The following NPLOC4 variants were observed in gnomAD, a reference collection of about 807,000 sequenced individuals.
NPLOC4 encodes the protein nuclear protein localization protein 4 homolog.
A neutral mutation model predicts 80.6 loss-of-function variants in NPLOC4; 18 were observed. The ratio of observed to expected loss-of-function variants is 0.22; its 90% CI spans 0.15 to 0.33. The LOEUF (loss-of-function observed/expected upper bound fraction) is 0.33, where lower values mean the gene tolerates loss of function less well. NPLOC4 is among the 10% of genes least tolerant of loss of function. The pLI is 1.00. For missense variants in NPLOC4, 540 were observed against 786.1 expected (o/e 0.69, Z 3.74); for synonymous variants, 313 against 301.5 (o/e 1.04, Z -0.39).
intron 12 of NPLOC4, among the ~76,000 whole-genome samples, chr17:81,586,101 G>T (rs940966802): frequency 6.6e-6 from 1 of 152,122 alleles, no homozygotes; most frequent in African/African-American, 2.4e-5. Flanking sequence ...CCTGCCCAAC[G>T]GGGTAGGAGG....
intron 15 of NPLOC4, among the ~76,000 whole-genome samples, chr17:81,566,153 G>A (rs981958212): frequency 1.3e-5 from 2 of 152,282 alleles, no homozygotes; most frequent in South Asian, 2.1e-4. Context: ...CAAACGTGGC[G>A]AAACCCCGTC....
At chr17:81,594,699 C>CG (rs1211165689) in intron 11 of NPLOC4, among the ~76,000 whole-genome samples, 1 of 151,928 alleles carries the variant, frequency 6.6e-6, no homozygotes, top group Non-Finnish European at 1.5e-5. Context: ...TGCGTGAACC[C>CG]GGGAGGTGGA....
At chr17:81,606,312 C>T (rs1249526997) in intron 7 of NPLOC4, among the ~76,000 whole-genome samples, 1 of 152,124 alleles carries the variant, frequency 6.6e-6, no homozygotes, top group Non-Finnish European at 1.5e-5. Context: ...AACGCTCCCT[C>T]CTTCCTGAGC....
intron 10 of NPLOC4, 23 bp downstream of exon 10, chr17:81,597,222 G>C (rs202045831): frequency 1.9e-6 from 3 of 1,598,702 alleles, no homozygotes; most frequent in Non-Finnish European, 2.6e-6. Flanking sequence ...AGGGCCACAC[G>C]CACAGTCCTG....
Position 81,636,981 on chromosome 17 carries a change from GC to G in NPLOC4, c.-52del. 1 of 1,183,022 alleles carries G rather than the reference GC, an allele frequency of 8.5e-7. No homozygotes were observed. The highest frequency in any genetic ancestry group is 3.1e-5 in the South Asian group (1 of 31,998). 73.3% of individuals were successfully genotyped at this position (1,183,022 alleles called of 1,614,324 possible). On this transcript the variant is annotated 5_prime_UTR_variant, in exon 1 of 17. Transcript: ENST00000331134. The stretch of plus-strand genomic sequence containing the variant: ...GAGCCCCGGGCCGCCGCCGCCTGCC[GC>G]CCCAAGGGCCTCGCAGACCCGGCCG...
At chr17:81,588,884 T>TC (rs1272624863) in intron 12 of NPLOC4, 60 bp downstream of exon 12, 1 of 1,498,908 alleles carries the variant, frequency 6.7e-7, no homozygotes, top group African/African-American at 1.4e-5. Flanking sequence ...ATTAGAAAGG[T>TC]CCAAGACAGG....
intron 5 of NPLOC4, 141 bp downstream of exon 5, chr17:81,610,069 T>A (rs1418708739): frequency 3.1e-6 from 2 of 651,032 alleles, no homozygotes; most frequent in Non-Finnish European, 5.4e-6. Context: ...TAGGGGAATA[T>A]GAGGCCCAGG....
chr17:81,564,153 A>T (rs1381454762), intron 16 of NPLOC4: 4 of 283,740 alleles, frequency 1.4e-5, no homozygotes, highest in Non-Finnish European at 2.8e-5. Context: ...ATTAGGTACT[A>T]TGTGTAGTAC....
intron 16 of NPLOC4, among the ~76,000 whole-genome samples, chr17:81,559,983 C>T (rs912493107): frequency 6.6e-6 from 1 of 151,822 alleles, no homozygotes; most frequent in Non-Finnish European, 1.5e-5. Context: ...GATCCACCCA[C>T]CTTGGCCTCC....
At chr17:81,590,750 C>A (rs2034716342) in intron 11 of NPLOC4, among the ~76,000 whole-genome samples, 1 of 152,118 alleles carries the variant, frequency 6.6e-6, no homozygotes, top group Non-Finnish European at 1.5e-5. Context: ...AAACGTAGTG[C>A]ACATGGCTGT....
chr17:81,637,089 A>G lies in NPLOC4; in HGVS notation c.-159T>C, dbSNP rs2036104518. 5.5e-6 allele frequency: 2 copies of G among 366,276 alleles called. No individual in the cohort carries two copies. The highest frequency in any genetic ancestry group is 9.3e-6 in the Non-Finnish European group (2 of 214,226). 22.7% of individuals were successfully genotyped at this position (366,276 alleles called of 1,614,324 possible). A position where few individuals can be genotyped will look rare whatever the true frequency, so the allele number is the denominator to read the frequency against. On this transcript the variant is annotated 5_prime_UTR_variant, in exon 1 of 17. Transcript: ENST00000331134. ...GCCCGCCCGGCTCCGCCAGCCGCCG[A>G]CGTCCCGGTGCCTCGCTCAATACGC...
chr17:81,633,386 T>C (rs1047329016), intron 1 of NPLOC4, among the ~76,000 whole-genome samples: 2 of 152,208 alleles, frequency 1.3e-5, no homozygotes, highest in African/African-American at 2.4e-5. Context: ...CGCCATTCTT[T>C]ACAGAGCTAA....
intron 12 of NPLOC4, among the ~76,000 whole-genome samples, chr17:81,585,690 G>A (rs1433273240): frequency 2.0e-5 from 3 of 149,888 alleles, no homozygotes; most frequent in Admixed American, 2.0e-4. Flanking sequence ...AGAAATCAGA[G>A]GCTGGGTGCA....
At chr17:81,632,289 T>C (rs572034138) in intron 1 of NPLOC4, among the ~76,000 whole-genome samples, 24 of 151,500 alleles carry the variant, frequency 1.6e-4, no homozygotes, top group African/African-American at 5.8e-4. Context: ...TGATTTTTTA[T>C]AGTGAAACAT....
At chr17:81,591,799 C>T (rs921645133) in intron 11 of NPLOC4, among the ~76,000 whole-genome samples, 5 of 152,168 alleles carry the variant, frequency 3.3e-5, no homozygotes, top group African/African-American at 1.2e-4. Context: ...GATCACAGGG[C>T]CTACAAAGAG....
At chr17:81,622,122 C>T in intron 3 of NPLOC4, 44 bp downstream of exon 3, 3 of 1,411,016 alleles carry the variant, frequency 2.1e-6, no homozygotes, top group African/African-American at 2.8e-5. Flanking sequence ...TCATGGGGAC[C>T]TCATTTCCCC....
At chr17:81,560,697 A>AAACG (rs1473945251) in intron 16 of NPLOC4, 1 of 90,250 alleles carries the variant, frequency 1.1e-5, no homozygotes, top group Admixed American at 1.3e-4. Flanking sequence ...ACAAACAAAC[A>AAACG]AACAACAACA....
intron 16 of NPLOC4, among the ~76,000 whole-genome samples, chr17:81,561,189 C>A (rs1369094733): frequency 6.6e-6 from 1 of 152,118 alleles, no homozygotes. Context: ...AACTCCTGAC[C>A]TCAAATGATC....
chr17:81,601,653 T>C (rs2035058821), intron 8 of NPLOC4, among the ~76,000 whole-genome samples: 1 of 152,174 alleles, frequency 6.6e-6, no homozygotes. Flanking sequence ...AGCAGCATCC[T>C]GAGTACAGCA....
Sources: gnomAD v4.1 joint callset for allele counts (sites outside exome capture counted in the v4.1 genomes callset) on GRCh38, gnomAD v4.1.1 for gene constraint, MANE v1.5 for transcripts, NCBI Gene and HGNC (gene_info 2026-07-23, HGNC 2026-07-21) for gene names.